The following IFNL3 variants were observed in gnomAD, a reference collection of about 807,000 sequenced individuals.
IFNL3 encodes interferon lambda 3.
Under a neutral mutation model 16.3 loss-of-function variants are expected in IFNL3, and 16 were observed. The ratio of observed to expected loss-of-function variants is 0.98; its 90% CI spans 0.67 to 1.50. The LOEUF (loss-of-function observed/expected upper bound fraction) is 1.50. IFNL3 is among the 40% of genes most tolerant of loss of function. The pLI is 0.00. For synonymous variants in IFNL3, 115 were observed against 115.3 expected (o/e 1.00, Z 0.02); for missense variants, 254 against 253.5 (o/e 1.00, Z -0.01).
rs77379751 is a variant in IFNL3 at position 39,243,685 on chromosome 19, G to A, written c.538C>T (p.Arg180Cys). The A allele has an allele frequency of 3.4e-3, 5,434 of 1,608,492 alleles. 148 individuals are homozygous for A. The East Asian group carries it at 0.077, about 23-fold the overall frequency. The change falls in exon 5 of 5, where the codon CGC becomes TGC. Residue 180 changes from arginine to cysteine, a missense_variant. Transcript: ENST00000413851. The stretch of plus-strand genomic sequence containing the variant: ...CAATTCAGGTCTCGCGTGAGGAGGC[G>A]GAAGAGGTTGAAGGTGACAGAGGCC... ...LEASVTFNLF[R>C]LLTRDLNCVA...
chr19:39,243,543 A>G, downstream of IFNL3: 2 of 1,400,924 alleles, frequency 1.4e-6, no homozygotes, highest in Non-Finnish European at 2.0e-6. Flanking sequence ...TTACATACAC[A>G]AATACATAAA....
Position 39,244,069 on chromosome 19 carries a change from C to G in IFNL3, c.347G>C (p.Gly116Ala). ...GTGAAGGGGCTGGTCCAAGACATCC[C>G]CCAGGGCTGGGTCAGTGTCAGCGGT... ...EATADTDPAL[G>A]DVLDQPLHTL... The change falls in exon 3 of 5, where the codon GGG (glycine) becomes GCG (alanine). Residue 116 changes from glycine (G) to alanine (A), a missense_variant. Coordinates refer to ENST00000413851, the MANE Select transcript of IFNL3 (RefSeq NM_172139.4). 1.9e-6 allele frequency: 3 copies of G among 1,614,064 alleles called. No individual in the cohort carries two copies. The highest frequency in any genetic ancestry group is 2.2e-5 in the South Asian group (2 of 91,082).
intron 1 of IFNL3, 84 bp from the exon 2 acceptor site, chr19:39,244,578 A>G: frequency 2.7e-6 from 4 of 1,470,298 alleles, no homozygotes; most frequent in Non-Finnish European, 3.7e-6. Flanking sequence ...GGCTGACAAC[A>G]GGATAGGGGA....
Position 39,244,051 on chromosome 19 carries a change from G to A in IFNL3, c.365C>T (p.Pro122Leu). ...DPALGDVLDQ[P>L]LHTLHHILSQ... ...GAGGATATGGTGCAGGGTGTGAAGGGGCTGGTCCAAGACATCCCCCAGGGC... is the reference window on the plus strand; with the variant it reads ...GAGGATATGGTGCAGGGTGTGAAGGAGCTGGTCCAAGACATCCCCCAGGGC... Residue 122 changes from proline (P) to leucine (L), a missense_variant, in exon 3 of 5, where the codon CCC becomes CTC. Coordinates refer to ENST00000413851, the MANE Select transcript of IFNL3 (RefSeq NM_172139.4). 3 of 1,614,224 alleles carry A rather than the reference G, an allele frequency of 1.9e-6. No homozygotes were observed. Among genetic ancestry groups the A allele is most frequent in the Non-Finnish European group, 2.5e-6 (3 of 1,180,048 alleles).
intron 4 of IFNL3, 45 bp from the exon 5 acceptor site, chr19:39,243,775 C>T: frequency 1.2e-6 from 2 of 1,612,712 alleles, no homozygotes; most frequent in Non-Finnish European, 1.7e-6. Flanking sequence ...GGGTTCTGGG[C>T]TCCCAGTGGC....
intron 2 of IFNL3, 26 bp from the exon 3 acceptor site, chr19:39,244,183 T>C (rs375841887): frequency 1.2e-6 from 2 of 1,610,984 alleles, no homozygotes; most frequent in African/African-American, 1.4e-5. Context: ...AAAGAGCAGG[T>C]GAGGGGGGAG....
At chr19:39,244,332 T>TGGAGAA (rs1282572597) in intron 2 of IFNL3, 85 bp downstream of exon 2, 13 of 1,307,962 alleles carry the variant, frequency 9.9e-6, no homozygotes, top group South Asian at 3.8e-5. Flanking sequence ...AGAGGGACAA[T>TGGAGAA]GGAGAAGGAG....
chr19:39,243,694 T>G lies in IFNL3; in HGVS notation c.529A>C (p.Asn177His). ...TCTCGCGTGAGGAGGCGGAAGAGGT[T>G]GAAGGTGACAGAGGCCTCGAGGCAG... is the stretch of plus-strand genomic sequence containing the variant. ...PGCLEASVTF[N>H]LFRLLTRDLN... Residue 177 changes from asparagine to histidine, a missense_variant, in exon 5 of 5, where the codon AAC becomes CAC. Physicochemically the swap from Asn to His is moderately conservative, Grantham distance 68. Transcript: ENST00000413851. 6.2e-7 allele frequency: 1 copy of G among 1,609,718 alleles called. No individual in the cohort carries two copies. Among genetic ancestry groups the G allele is most frequent in the Non-Finnish European group, 8.5e-7 (1 of 1,178,114 alleles).
Position 39,244,862 on chromosome 19 carries a change from C to G in IFNL3, c.106G>C (p.Gly36Arg). The G allele has an allele frequency of 6.2e-7, 1 of 1,613,934 alleles. No homozygotes were observed. Among genetic ancestry groups the G allele is most frequent in the African/African-American group, 1.3e-5 (1 of 75,022 alleles). ...RLRGALPDARGCHIAQFKSLS... is the reference protein window; with the variant it reads ...RLRGALPDARRCHIAQFKSLS... Reference sequence around the variant, plus strand: ...GACTTGAACTGGGCTATGTGGCAGCCCCTTGCATCCGGGAGAGCCCCGCGG... The same window carrying G: ...GACTTGAACTGGGCTATGTGGCAGCGCCTTGCATCCGGGAGAGCCCCGCGG... The change falls in exon 1 of 5, where the codon GGC becomes CGC. Residue 36 changes from glycine to arginine, a missense_variant. Gly to Arg is a moderately radical substitution (Grantham distance 125). Coordinates refer to ENST00000413851, the MANE Select transcript of IFNL3 (RefSeq NM_172139.4).
chr19:39,245,112 C>T, upstream of IFNL3: 2 of 1,583,558 alleles, frequency 1.3e-6, no homozygotes, highest in Non-Finnish European at 1.7e-6. Context: ...AGAAGAAACA[C>T]TCTGAGGCTG....
chr19:39,243,913 G>C lies in IFNL3; in HGVS notation c.409-6C>G. 1 of 1,612,804 alleles carries C rather than the reference G, an allele frequency of 6.2e-7. No homozygotes were observed. Among genetic ancestry groups the C allele is most frequent in the Non-Finnish European group, 8.5e-7 (1 of 1,179,344 alleles). On this transcript the variant is annotated splice_polypyrimidine_tract_variant and splice_region_variant and intron_variant, in intron 3 of 4. Coordinates refer to ENST00000413851, the MANE Select transcript of IFNL3 (RefSeq NM_172139.4). ...GCCGTGGGCTGAGGCTGGATCTGTGGGCAGAGGAGGGCGGTGTGTGAGCCG... is the reference window on the plus strand; with the variant it reads ...GCCGTGGGCTGAGGCTGGATCTGTGCGCAGAGGAGGGCGGTGTGTGAGCCG...
In IFNL3 at chr19:39,244,916, C is replaced by T. The variant is rs370170741; in HGVS notation, c.52G>A (p.Val18Met). The part of the protein sequence containing the change: ...VLVLMAAVLT[V>M]TGAVPVARLR... ...CTGGCGACAGGAACTGCTCCAGTCA[C>T]GGTCAGCACTGCGGCCATCAGCACC... Residue 18 changes from valine (V) to methionine (M), a missense_variant, in exon 1 of 5, where the codon GTG (valine) becomes ATG (methionine). Coordinates refer to ENST00000413851, the MANE Select transcript of IFNL3 (RefSeq NM_172139.4). 5.6e-6 allele frequency: 9 copies of T among 1,613,866 alleles called. No individual in the cohort carries two copies. The highest frequency in any genetic ancestry group is 1.6e-4 in the Middle Eastern group (1 of 6,078).
chr19:39,244,200 G>T (rs769400771), intron 2 of IFNL3, 43 bp from the exon 3 acceptor site: 28 of 1,610,358 alleles, frequency 1.7e-5, no homozygotes, highest in Non-Finnish European at 2.1e-5. Context: ...GGAGGTGAGG[G>T]GAACAGGTTG....
In IFNL3 at chr19:39,244,070, C is replaced by G. The variant is rs2074929963; in HGVS notation, c.346G>C (p.Gly116Arg). The G allele has an allele frequency of 6.2e-7, 1 of 1,614,070 alleles. No individual in the cohort carries two copies. Among genetic ancestry groups the G allele is most frequent in the African/African-American group, 1.3e-5 (1 of 74,922 alleles). The part of the protein sequence containing the change: ...EATADTDPAL[G>R]DVLDQPLHTL... Reference sequence around the variant, plus strand: ...TGAAGGGGCTGGTCCAAGACATCCCCCAGGGCTGGGTCAGTGTCAGCGGTG... The same window carrying G: ...TGAAGGGGCTGGTCCAAGACATCCCGCAGGGCTGGGTCAGTGTCAGCGGTG... Residue 116 changes from glycine to arginine, a missense_variant, in exon 3 of 5, where the codon GGG becomes CGG. Gly to Arg is a moderately radical substitution (Grantham distance 125, BLOSUM62 -2). Transcript: ENST00000413851.
chr19:39,244,864 C>G lies in IFNL3; in HGVS notation c.104G>C (p.Arg35Thr). 6.2e-7 allele frequency: 1 copy of G among 1,613,958 alleles called. No individual in the cohort carries two copies. Among genetic ancestry groups the G allele is most frequent in the Non-Finnish European group, 8.5e-7 (1 of 1,179,864 alleles). The change falls in exon 1 of 5, where the codon AGG becomes ACG. Residue 35 changes from arginine (R) to threonine (T), a missense_variant. Transcript: ENST00000413851. ...ARLRGALPDA[R>T]GCHIAQFKSL... Reference sequence around the variant, plus strand: ...CTTGAACTGGGCTATGTGGCAGCCCCTTGCATCCGGGAGAGCCCCGCGGAG... The same window carrying G: ...CTTGAACTGGGCTATGTGGCAGCCCGTTGCATCCGGGAGAGCCCCGCGGAG...
rs1292459675 is a variant in IFNL3 at position 39,244,443 on chromosome 19, T to C, written c.232A>G (p.Arg78Gly). The C allele has an allele frequency of 1.6e-5, 25 of 1,611,788 alleles. No individual in the cohort carries two copies. Among genetic ancestry groups the C allele is most frequent in the Non-Finnish European group, 2.1e-5 (25 of 1,179,114 alleles). Reference protein sequence around the residue: ...DCKCRSRLFPRTWDLRQLQVR... With the variant: ...DCKCRSRLFPGTWDLRQLQVR... ...TGCAGCTGCCTCAGGTCCCAGGTCC[T>C]GGGGAAGAGGCGGGAGCGGCACTTG... Residue 78 changes from arginine to glycine, a missense_variant, in exon 2 of 5, where the codon AGG becomes GGG. By Grantham distance (125) the Arg-to-Gly change is moderately radical (BLOSUM62 -2). Transcript: ENST00000413851.
At chr19:39,244,311 G>A (rs1471792641) in intron 2 of IFNL3, 106 bp downstream of exon 2, 3 of 1,479,852 alleles carry the variant, frequency 2.0e-6, no homozygotes, top group East Asian at 4.7e-5. Context: ...TAGCAGGTGT[G>A]GGGAGAGGAG....
intron 1 of IFNL3, 117 bp downstream of exon 1, chr19:39,244,671 C>T (rs1272389942): frequency 8.5e-6 from 12 of 1,404,340 alleles, no homozygotes; most frequent in Non-Finnish European, 9.7e-6. Context: ...ATGAGATAGC[C>T]CACTGCAGGG....
Position 39,244,985 on chromosome 19 carries a change from A to G in IFNL3, c.-18T>C. 3.1e-6 allele frequency: 5 copies of G among 1,613,912 alleles called. No individual in the cohort carries two copies. The highest frequency in any genetic ancestry group is 4.2e-6 in the Non-Finnish European group (5 of 1,179,848). The stretch of plus-strand genomic sequence containing the variant: ...CCGGTCATGTCTGTGTCACAGAGAG[A>G]AAGGGAGCTGAGGGAATGCAGAGGC... On this transcript the variant is annotated 5_prime_UTR_variant, in exon 1 of 5. Transcript: ENST00000413851.
Sources: allele counts gnomAD v4.1 joint callset, GRCh38; gene constraint gnomAD v4.1.1; transcripts MANE v1.5; gene names NCBI Gene and HGNC (gene_info 2026-07-23, HGNC 2026-07-21).